B4GALT6: variants seen among roughly 807,000 people sequenced by gnomAD.
B4GALT6 encodes beta-1,4-galactosyltransferase 6.
Under a neutral mutation model 46.3 loss-of-function variants are expected in B4GALT6, and 14 were observed. That is an observed-to-expected ratio of 0.30 (90% CI 0.20 to 0.47). The LOEUF (loss-of-function observed/expected upper bound fraction) is 0.47, where lower values mean the gene tolerates loss of function less well. B4GALT6 is among the 20% of genes least tolerant of loss of function. B4GALT6 has a pLI of 0.99. For synonymous variants in B4GALT6, 168 were observed against 162.0 expected, an observed-to-expected ratio of 1.04 and a Z score of -0.28; for missense variants, 386 against 480.1, an observed-to-expected ratio of 0.80 and a Z score of 1.83.
upstream of B4GALT6, among the ~76,000 whole-genome samples, chr18:31,688,707 G>T (rs2030011832): frequency 6.6e-6 from 1 of 152,058 alleles, no homozygotes; most frequent in Non-Finnish European, 1.5e-5. Flanking sequence ...ATCCCTTTGG[G>T]GTTGGTATGG....
intron 6 of B4GALT6, among the ~76,000 whole-genome samples, chr18:31,629,463 T>TTA (rs1206141424): frequency 3.0e-5 from 4 of 132,496 alleles, no homozygotes; most frequent in African/African-American, 1.2e-4. Context: ...TTTTTTTTTT[T>TTA]TTTTTTTTTT....
chr18:31,683,186 G>A (rs2074501040), intron 1 of B4GALT6, among the ~76,000 whole-genome samples: 1 of 152,174 alleles, frequency 6.6e-6, no homozygotes, highest in Non-Finnish European at 1.5e-5. Context: ...GTCTGGATTA[G>A]GTTTCCATCT....
At chr18:31,639,621 C>T (rs1318943283) in intron 4 of B4GALT6, among the ~76,000 whole-genome samples, 1 of 151,914 alleles carries the variant, frequency 6.6e-6, no homozygotes, top group Non-Finnish European at 1.5e-5. Context: ...GGTAACAAAC[C>T]ATAACAAGAA....
chr18:31,676,409 C>T (rs888395872), intron 1 of B4GALT6, among the ~76,000 whole-genome samples: 2 of 152,236 alleles, frequency 1.3e-5, no homozygotes, highest in East Asian at 1.9e-4. Flanking sequence ...ACCTATAATG[C>T]TATCCAGTTT....
the B4GALT6 span, among the ~76,000 whole-genome samples, chr18:31,720,902 T>C: frequency 5.3e-5 from 8 of 152,160 alleles, no homozygotes; most frequent in African/African-American, 1.9e-4. Context: ...CCAAAGTGGC[T>C]GAGGCAGGGG....
intron 3 of B4GALT6, among the ~76,000 whole-genome samples, chr18:31,647,687 T>C (rs2074007945): frequency 6.6e-6 from 1 of 152,056 alleles, no homozygotes; most frequent in South Asian, 2.1e-4. Flanking sequence ...GAAAGTGTGA[T>C]CAGAGAGAGG....
In B4GALT6 at chr18:31,651,009, A is replaced by G. The variant is rs928980535; in HGVS notation, c.347-5530T>C. Among the ~76,000 whole-genome samples the G allele has an allele frequency of 3.0e-4, 45 of 151,940 alleles. 1 individual carries two copies. The highest frequency in any genetic ancestry group is 2.9e-3 in the Admixed American group (44 of 15,258). On this transcript the variant is annotated intron_variant, in intron 3 of 8. Coordinates refer to ENST00000306851, the MANE Select transcript of B4GALT6 (RefSeq NM_004775.5). ...TCTCAATCTCCTGAGCTTGTGATCC[A>G]CCCACCTCGGCCTCCCAAAGTGCTG...
chr18:31,652,328 AGTG>A (rs1221592125), intron 3 of B4GALT6, among the ~76,000 whole-genome samples: 1 of 152,134 alleles, frequency 6.6e-6, no homozygotes, highest in Non-Finnish European at 1.5e-5. Context: ...CACCAAATTC[AGTG>A]GCCCTTTCAC....
chr18:31,629,816 C>G (rs1004518869), intron 6 of B4GALT6, among the ~76,000 whole-genome samples: 4 of 145,540 alleles, frequency 2.7e-5, no homozygotes, highest in African/African-American at 5.1e-5. Context: ...CACCACTGCA[C>G]TCCAGCATGG....
chr18:31,683,777 T>A (rs946353824), intron 1 of B4GALT6, among the ~76,000 whole-genome samples: 1 of 152,130 alleles, frequency 6.6e-6, no homozygotes, highest in Admixed American at 6.5e-5. Flanking sequence ...AGACAACTCA[T>A]CGCCTTAAAA....
chr18:31,685,572 C>G (rs1233854451), upstream of B4GALT6: 3 of 152,270 alleles, frequency 2.0e-5, no homozygotes, highest in East Asian at 5.9e-4. Flanking sequence ...GCAGCCCCCT[C>G]CCCGCGCCCG....
intron 2 of B4GALT6, among the ~76,000 whole-genome samples, chr18:31,665,107 T>C (rs549560263): frequency 1.3e-5 from 2 of 152,336 alleles, no homozygotes; most frequent in East Asian, 3.9e-4. Context: ...AGAAAGAACA[T>C]CTACAGCTGA....
the B4GALT6 span, among the ~76,000 whole-genome samples, chr18:31,712,962 G>A: frequency 0.63 from 95,600 of 152,070 alleles, 30,607 homozygotes; most frequent in South Asian, 0.7. Context: ...GGCTGCAGCA[G>A]TTTATTTTTG....
intron 5 of B4GALT6, among the ~76,000 whole-genome samples, chr18:31,631,549 C>T (rs1472549141): frequency 2.0e-5 from 3 of 151,882 alleles, no homozygotes; most frequent in African/African-American, 7.3e-5. Flanking sequence ...GGTACATCAG[C>T]ACATTTAAAT....
Position 31,622,326 on chromosome 18 carries a change from T to C in B4GALT6, c.*3288A>G, listed in dbSNP as rs529065039. 1.4e-4 allele frequency: 21 copies of C among 152,180 alleles called. No individual in the cohort carries two copies. The South Asian group carries it at 4.4e-3, about 32-fold the overall frequency. 9.4% of individuals were successfully genotyped at this position (152,180 alleles called of 1,614,324 possible). On this transcript the variant is annotated 3_prime_UTR_variant, in exon 9 of 9. Transcript: ENST00000306851. ...ATGAGAAGCAAAAAAAGAAGTGGGA[T>C]ACAAGAAATTACTAGCATTTATTTC... is the stretch of plus-strand genomic sequence containing the variant.
At chr18:31,669,710 G>A (rs781052612) in intron 1 of B4GALT6, among the ~76,000 whole-genome samples, 3 of 152,152 alleles carry the variant, frequency 2.0e-5, no homozygotes, top group Non-Finnish European at 4.4e-5. Flanking sequence ...CTCCGCCTAA[G>A]TGAAGACCCA....
chr18:31,687,508 A>G (rs73954674), upstream of B4GALT6, among the ~76,000 whole-genome samples: 9,668 of 152,176 alleles, frequency 0.064, 589 homozygotes, highest in African/African-American at 0.15. Context: ...GCCTTTCCAA[A>G]CCCACAATAT....
chr18:31,698,225 T>G, the B4GALT6 span, among the ~76,000 whole-genome samples: 2 of 152,210 alleles, frequency 1.3e-5, no homozygotes, highest in African/African-American at 2.4e-5. Flanking sequence ...TCTCTTCTTG[T>G]TTTTGACCTT....
upstream of B4GALT6, among the ~76,000 whole-genome samples, chr18:31,685,242 G>A (rs2074532367): frequency 1.3e-5 from 2 of 150,898 alleles, no homozygotes; most frequent in South Asian, 4.1e-4. Context: ...GCGCGCCCGG[G>A]GTGAGGCGCC....
Sources: allele counts gnomAD v4.1 joint callset (sites outside exome capture counted in the v4.1 genomes callset), GRCh38; gene constraint gnomAD v4.1.1; transcripts MANE v1.5; gene names NCBI Gene and HGNC (gene_info 2026-07-23, HGNC 2026-07-21).